Variants in PCDHGA10 observed in about 807,000 individuals in gnomAD.
PCDHGA10 encodes protocadherin gamma-A10.
PCDHGA10 carries 42 observed loss-of-function variants against 59.5 expected under a neutral mutation model. The observed-to-expected ratio is 0.71, with a 90% CI of 0.55 to 0.91. The LOEUF (loss-of-function observed/expected upper bound fraction) is 0.91. Among genes scored for constraint, PCDHGA10 ranks in the 40% least tolerant of loss-of-function variants. The probability of loss-of-function intolerance (pLI) is 0.00; values close to 1 mark genes in which losing one functional copy is unlikely to be tolerated. For missense variants in PCDHGA10, 1,111 were observed against 1,198.2 expected (o/e 0.93, Z 1.07); for synonymous variants, 511 against 517.2 (o/e 0.99, Z 0.16).
chr5:141,415,179 G>A lies in PCDHGA10; in HGVS notation c.2004G>A (p.Val668=). The part of the protein sequence containing the change: ...LSATVTLTVA[V]ADSIPQVLAD... ...CCACTGTCACGCTCACCGTGGCCGT[G>A]GCCGACAGCATCCCCCAAGTCCTGG... The change falls in exon 1 of 4, where the codon GTG becomes GTA. Residue 668 remains valine (V), a synonymous_variant. Transcript: ENST00000398610. The A allele has an allele frequency of 6.2e-7, 1 of 1,613,934 alleles. No individual in the cohort carries two copies. The highest frequency in any genetic ancestry group is 8.5e-7 in the Non-Finnish European group (1 of 1,180,018).
intron 2 of PCDHGA10, among the ~76,000 whole-genome samples, chr5:141,500,148 G>A (rs936567158): frequency 6.6e-6 from 1 of 150,990 alleles, no homozygotes; most frequent in Non-Finnish European, 1.5e-5. Flanking sequence ...ACTTTTCTTT[G>A]TGTAATCAAA....
Position 141,458,000 on chromosome 5 carries a change from A to G in PCDHGA10, c.2437-36807A>G, listed in dbSNP as rs1047291886. ...CACCCTTTCAGTTAAAGCCTTGGCA[A>G]AATAACCGGTTTTTCCAATTGTGTT... On this transcript the variant is annotated intron_variant, in intron 1 of 3. Coordinates refer to ENST00000398610, the MANE Select transcript of PCDHGA10 (RefSeq NM_018913.3). Among the ~76,000 whole-genome samples, 4 of 152,214 alleles carry G rather than the reference A, an allele frequency of 2.6e-5. No homozygotes were observed. In the East Asian group the frequency reaches 5.8e-4, roughly 22 times the overall value.
rs1207371456 is a variant in PCDHGA10 at position 141,487,371 on chromosome 5, G to A, written c.2437-7436G>A. On this transcript the variant is annotated intron_variant, in intron 1 of 3. Transcript: ENST00000398610. The surrounding 1 kb of genome is among the most constrained non-coding windows in gnomAD (Gnocchi z 5.0). ...TGCTTTCCTGCTGGCACCTGTGCCT[G>A]TCTCACCAGATCTCGAAGGAGGGAG... The A allele has an allele frequency of 4.3e-6, 7 of 1,614,076 alleles. No individual in the cohort carries two copies. In the Admixed American group the frequency reaches 5.0e-5, roughly 12 times the overall value.
chr5:141,509,577 C>G (rs569743928), intron 3 of PCDHGA10, among the ~76,000 whole-genome samples: 2 of 152,320 alleles, frequency 1.3e-5, no homozygotes, highest in African/African-American at 2.4e-5. Context: ...ACAGTGCGTA[C>G]AAATCAGCTG....
rs759146011 is a variant in PCDHGA10, at chr5:141,477,635, G to A, written c.2437-17172G>A. 6.2e-7 allele frequency: 1 copy of A among 1,614,138 alleles called. No homozygotes were observed. The highest frequency in any genetic ancestry group is 8.5e-7 in the Non-Finnish European group (1 of 1,180,040). On this transcript the variant is annotated intron_variant, in intron 1 of 3. Coordinates refer to ENST00000398610, the MANE Select transcript of PCDHGA10 (RefSeq NM_018913.3). This position sits in a 1 kb window ranked among gnomAD's most constrained non-coding sequence, Gnocchi z 4.9. ...GCAAGGAGCTGAAACCGGGCTAGTG[G>A]GTCGCTATTTCACAATAAATCGTGA...
rs570765907 is a variant in PCDHGA10, at chr5:141,414,583, G to T, written c.1408G>T (p.Ala470Ser). The T allele has an allele frequency of 5.6e-6, 9 of 1,613,854 alleles. No individual in the cohort carries two copies. In the South Asian group the frequency reaches 8.8e-5, roughly 16 times the overall value. The change falls in exon 1 of 4, where the codon GCC becomes TCC. Residue 470 changes from alanine (A) to serine (S), a missense_variant. Ala to Ser is a moderately conservative substitution (Grantham distance 99, BLOSUM62 1). Coordinates refer to ENST00000398610, the MANE Select transcript of PCDHGA10 (RefSeq NM_018913.3). Reference sequence around the variant, plus strand: ...CTTTACCTATATCCCAGAGAACAACGCCAGGGGTGCCTCCATCTTCTCAGT... The same window carrying T: ...CTTTACCTATATCCCAGAGAACAACTCCAGGGGTGCCTCCATCTTCTCAGT... ...SYFTYIPENNARGASIFSVTA... is the reference protein window; with the variant it reads ...SYFTYIPENNSRGASIFSVTA...
At chr5:141,454,311 T>C (rs755771201) in intron 1 of PCDHGA10, among the ~76,000 whole-genome samples, 1 of 152,216 alleles carries the variant, frequency 6.6e-6, no homozygotes, top group Non-Finnish European at 1.5e-5. Context: ...TTTCAAAGCA[T>C]TGAAACCTCC....
At chr5:141,506,636 C>T (rs1421676205) in intron 3 of PCDHGA10, among the ~76,000 whole-genome samples, 2 of 152,020 alleles carry the variant, frequency 1.3e-5, no homozygotes, top group South Asian at 2.1e-4. Context: ...AATGCAAGTC[C>T]CTCAGCACAG....
intron 1 of PCDHGA10, among the ~76,000 whole-genome samples, chr5:141,482,442 C>T (rs942933015): frequency 1.4e-5 from 2 of 147,678 alleles, no homozygotes; most frequent in Non-Finnish European, 3.0e-5. Flanking sequence ...CTGATATTCA[C>T]CATTTATTAG....
In PCDHGA10 at chr5:141,431,280, C is replaced by T. The variant is rs2097357763; in HGVS notation, c.2436+15669C>T. The T allele has an allele frequency of 1.9e-6, 3 of 1,614,146 alleles. No homozygotes were observed. Among genetic ancestry groups the T allele is most frequent in the South Asian group, 1.1e-5 (1 of 91,088 alleles). ...TCTCTGCAGAGCTACGAGCTCAGCC[C>T]GAACACTCACTTCTCCCTCATCGTG... On this transcript the variant is annotated intron_variant, in intron 1 of 3. Transcript: ENST00000398610. This position sits in a 1 kb window ranked among gnomAD's most constrained non-coding sequence, Gnocchi z 4.8.
rs747750994 is a variant in PCDHGA10 at position 141,414,684 on chromosome 5, A to G, written c.1509A>G (p.Val503=). The change falls in exon 1 of 4, where the codon GTA becomes GTG. Residue 503 remains valine, a synonymous_variant. Coordinates refer to ENST00000398610, the MANE Select transcript of PCDHGA10 (RefSeq NM_018913.3). ...YSLAEDTIQG[V]PLSSYISINS... ...TGGCTGAAGACACCATCCAGGGGGT[A>G]CCTCTGTCCTCATACATATCCATCA... 6 of 1,613,806 alleles carry G rather than the reference A, an allele frequency of 3.7e-6. No individual in the cohort carries two copies. The highest frequency in any genetic ancestry group is 5.1e-6 in the Non-Finnish European group (6 of 1,179,898).
intron 3 of PCDHGA10, among the ~76,000 whole-genome samples, chr5:141,510,538 G>A (rs1423013528): frequency 1.3e-5 from 2 of 152,216 alleles, no homozygotes; most frequent in East Asian, 1.9e-4. Context: ...AAATACCAGC[G>A]AATGTGTTTT....
Position 141,433,359 on chromosome 5 carries a change from CTAT to C in PCDHGA10, c.2436+17749_2436+17751del, listed in dbSNP as rs2097588942. 4 of 228,708 alleles carry C rather than the reference CTAT, an allele frequency of 1.7e-5. No homozygotes were observed. In the African/African-American group the frequency reaches 3.4e-4, roughly 19 times the overall value. The allele number at this position is 228,708 out of a possible 1,614,324, so 14.2% of individuals were successfully genotyped here. ...CAGGTGCAAGCCACCTACTGTCTGC[CTAT>C]CTATCTATCTATCTATCTATCTATC... On this transcript the variant is annotated intron_variant, in intron 1 of 3. Coordinates refer to ENST00000398610, the MANE Select transcript of PCDHGA10 (RefSeq NM_018913.3).
chr5:141,417,828 A>G (rs1439385565), intron 1 of PCDHGA10: 1 of 1,521,792 alleles, frequency 6.6e-7, no homozygotes, highest in Non-Finnish European at 8.8e-7. Context: ...CCAACTGGAA[A>G]AGCGGGGACC....
rs2096175268 is a variant in PCDHGA10, at chr5:141,417,870, G to A, written c.2436+2259G>A. On this transcript the variant is annotated intron_variant, in intron 1 of 3. Transcript: ENST00000398610. ...GAACCCGAGCGAACGATGGGAGGGA[G>A]CTGCGCGCAGAGGCGCCGGGCCGGC... 3 of 1,553,910 alleles carry A rather than the reference G, an allele frequency of 1.9e-6. No homozygotes were observed. Among genetic ancestry groups the A allele is most frequent in the Admixed American group, 2.0e-5 (1 of 51,084 alleles).
At position 141,414,763 on chromosome 5, in the gene PCDHGA10, C is replaced by A; in HGVS notation, c.1588C>A (p.His530Asn). The A allele has an allele frequency of 6.2e-7, 1 of 1,614,258 alleles. No homozygotes were observed. Among genetic ancestry groups the A allele is most frequent in the Non-Finnish European group, 8.5e-7 (1 of 1,180,056 alleles). The change falls in exon 1 of 4, where the codon CAT (histidine) becomes AAT (asparagine). Residue 530 changes from histidine to asparagine, a missense_variant. Coordinates refer to ENST00000398610, the MANE Select transcript of PCDHGA10 (RefSeq NM_018913.3). ...ALRSFDYEQFHELQMQVTASD... is the reference protein window; with the variant it reads ...ALRSFDYEQFNELQMQVTASD... The stretch of plus-strand genomic sequence containing the variant: ...CAGATCCTTCGACTATGAGCAGTTT[C>A]ATGAGCTACAGATGCAGGTGACAGC...
chr5:141,493,330 A>G lies in PCDHGA10; in HGVS notation c.2437-1477A>G, dbSNP rs979607147. 6.6e-6 allele frequency among the ~76,000 whole-genome samples: 1 copy of G among 152,182 alleles called. No homozygotes were observed. Among genetic ancestry groups the G allele is most frequent in the Non-Finnish European group, 1.5e-5 (1 of 68,020 alleles). On this transcript the variant is annotated intron_variant, in intron 1 of 3. Coordinates refer to ENST00000398610, the MANE Select transcript of PCDHGA10 (RefSeq NM_018913.3). The surrounding 1 kb of genome is among the most constrained non-coding windows in gnomAD (Gnocchi z 4.3). ...GTAAGAGAGATTCTAACCCCTGTCT[A>G]ACTCCAGAATGTGTGCTTTTAATTT... is the stretch of plus-strand genomic sequence containing the variant.
chr5:141,497,110 C>T (rs964183820), intron 2 of PCDHGA10, among the ~76,000 whole-genome samples: 2 of 151,738 alleles, frequency 1.3e-5, no homozygotes, highest in African/African-American at 2.4e-5. Context: ...TGCTTGAACC[C>T]GGAAGGCAGA....
At chr5:141,441,499 GCCT>G (rs1350774469) in intron 1 of PCDHGA10, 5 of 169,932 alleles carry the variant, frequency 2.9e-5, no homozygotes, top group African/African-American at 1.2e-4. Context: ...TTTCTACCAG[GCCT>G]CCTACGTCGT....
Sources: allele counts gnomAD v4.1 joint callset (sites outside exome capture counted in the v4.1 genomes callset), GRCh38; gene constraint gnomAD v4.1.1; non-coding constraint Gnocchi (gnomAD v3.1); transcripts MANE v1.5; gene names NCBI Gene and HGNC (gene_info 2026-07-23, HGNC 2026-07-21).